FAM107B: variants seen among roughly 807,000 people sequenced by gnomAD.
The protein encoded by FAM107B is family with sequence similarity 107 member B, also known as protein FAM107B.
Under a neutral mutation model 31.5 loss-of-function variants are expected in FAM107B, and 21 were observed. That is an observed-to-expected ratio of 0.67 (90% CI 0.47 to 0.96). FAM107B has a LOEUF of 0.96. Ranked by LOEUF, FAM107B falls within the 40% of genes least tolerant of loss-of-function variation. The probability of loss-of-function intolerance (pLI) is 0.00; values close to 1 mark genes in which losing one functional copy is unlikely to be tolerated. For missense variants in FAM107B, 452 were observed against 377.1 expected, an observed-to-expected ratio of 1.20 and a Z score of -1.64; for synonymous variants, 157 against 141.5, an observed-to-expected ratio of 1.11 and a Z score of -0.78.
At chr10:14,750,747 G>A (rs573000995) in intron 1 of FAM107B, among the ~76,000 whole-genome samples, 2 of 152,302 alleles carry the variant, frequency 1.3e-5, no homozygotes, top group African/African-American at 4.8e-5. Flanking sequence ...AGGAGTTTGA[G>A]ACCAGCTTGG....
rs1243766106 is a variant in FAM107B, at chr10:14,691,255, G to A, written c.412-23564C>T. ...GAAAATATGATCTCAGTAGCTATGGGTGAGGGAAGAATGAGAAACATGGGA... is the reference window on the plus strand; with the variant it reads ...GAAAATATGATCTCAGTAGCTATGGATGAGGGAAGAATGAGAAACATGGGA... On this transcript the variant is annotated intron_variant, in intron 1 of 4. Transcript: ENST00000181796. Among the ~76,000 whole-genome samples the A allele has an allele frequency of 2.0e-5, 3 of 152,286 alleles. No individual in the cohort carries two copies. The South Asian group carries it at 6.2e-4, about 32-fold the overall frequency.
At chr10:14,737,043 C>G (rs1334835334) in intron 1 of FAM107B, among the ~76,000 whole-genome samples, 1 of 151,872 alleles carries the variant, frequency 6.6e-6, no homozygotes, top group Non-Finnish European at 1.5e-5. Context: ...CAGAGACAGA[C>G]AAGGAAAAGG....
In FAM107B at chr10:14,519,479, C is replaced by G. The variant is rs1324410600; in HGVS notation, c.*1711G>C. ...CGATGGGAAAAAATAGTTACCATTCCATTCTTCGAAACCAAATTACTGTAG... is the reference window on the plus strand; with the variant it reads ...CGATGGGAAAAAATAGTTACCATTCGATTCTTCGAAACCAAATTACTGTAG... On this transcript the variant is annotated 3_prime_UTR_variant, in exon 5 of 5. Transcript: ENST00000181796. 1 of 152,218 alleles carries G rather than the reference C, an allele frequency of 6.6e-6. No individual in the cohort carries two copies. The highest frequency in any genetic ancestry group is 6.5e-5 in the Admixed American group (1 of 15,286). 9.4% of individuals were successfully genotyped at this position (152,218 alleles called of 1,614,324 possible).
At chr10:14,536,742 G>GT (rs1416275014) in intron 2 of FAM107B, among the ~76,000 whole-genome samples, 1 of 152,264 alleles carries the variant, frequency 6.6e-6, no homozygotes, top group South Asian at 2.1e-4. Context: ...AGTCATCAGC[G>GT]TAAGTGCAGA....
intron 2 of FAM107B, among the ~76,000 whole-genome samples, chr10:14,594,829 G>A (rs1479641777): frequency 2.6e-5 from 4 of 152,190 alleles, no homozygotes; most frequent in African/African-American, 7.2e-5. Context: ...ACAAATGCTC[G>A]GGAAATGCTG....
At chr10:14,700,873 A>G (rs1855383715) in intron 1 of FAM107B, among the ~76,000 whole-genome samples, 1 of 145,426 alleles carries the variant, frequency 6.9e-6, no homozygotes, top group Non-Finnish European at 1.5e-5. Context: ...TGAGTGCAAA[A>G]GTAGAGCTAT....
chr10:14,577,973 T>C (rs949497019), intron 2 of FAM107B, among the ~76,000 whole-genome samples: 1 of 152,078 alleles, frequency 6.6e-6, no homozygotes, highest in African/African-American at 2.4e-5. Context: ...ATGGCTCCCT[T>C]CCCCCAGTTC....
chr10:14,550,806 T>C (rs149070903), intron 2 of FAM107B, among the ~76,000 whole-genome samples: 145 of 152,344 alleles, frequency 9.5e-4, no homozygotes, highest in African/African-American at 3.4e-3. Context: ...AAATAGGAGC[T>C]ACTGGTTACT....
chr10:14,640,012 T>C (rs1356957925), intron 2 of FAM107B, among the ~76,000 whole-genome samples: 1 of 152,238 alleles, frequency 6.6e-6, no homozygotes, highest in South Asian at 2.1e-4. Context: ...GCTGATCTTG[T>C]CCATAGCAAC....
intron 2 of FAM107B, chr10:14,572,165 C>T (rs957272396): frequency 5.4e-5 from 53 of 985,090 alleles, no homozygotes; most frequent in Non-Finnish European, 6.0e-5. Flanking sequence ...TGACCTCATC[C>T]GGCACAGAAG....
intron 1 of FAM107B, among the ~76,000 whole-genome samples, chr10:14,766,304 C>A (rs1833160212): frequency 6.6e-6 from 1 of 152,112 alleles, no homozygotes; most frequent in African/African-American, 2.4e-5. Flanking sequence ...GGGCATGGAG[C>A]CTAGACAAGG....
chr10:14,604,615 G>C (rs1367785632), intron 2 of FAM107B, among the ~76,000 whole-genome samples: 2 of 151,676 alleles, frequency 1.3e-5, no homozygotes, highest in African/African-American at 4.8e-5. Context: ...GACTCGGTGG[G>C]AGCGAGGGCT....
chr10:14,718,841 A>G (rs981978009), intron 1 of FAM107B, among the ~76,000 whole-genome samples: 1 of 152,220 alleles, frequency 6.6e-6, no homozygotes, highest in Non-Finnish European at 1.5e-5. Flanking sequence ...CAACAATATT[A>G]GGAATGCTAA....
intron 1 of FAM107B, among the ~76,000 whole-genome samples, chr10:14,695,444 C>T (rs1160028204): frequency 1.3e-5 from 2 of 152,144 alleles, no homozygotes; most frequent in Non-Finnish European, 2.9e-5. Context: ...GCCTCCAGTT[C>T]TTTCTGAAGA....
At chr10:14,585,679 A>T (rs2131322196) in intron 2 of FAM107B, among the ~76,000 whole-genome samples, 1 of 152,340 alleles carries the variant, frequency 6.6e-6, no homozygotes, top group African/African-American at 2.4e-5. Context: ...TTGGAATTCA[A>T]ATAACAAGTA....
At chr10:14,674,421 G>C (rs569435706) in intron 1 of FAM107B, among the ~76,000 whole-genome samples, 2 of 152,190 alleles carry the variant, frequency 1.3e-5, no homozygotes, top group African/African-American at 4.8e-5. Context: ...TTGCTCCCTG[G>C]GGATGGAGTC....
chr10:14,740,574 A>C (rs920384360), intron 1 of FAM107B, among the ~76,000 whole-genome samples: 2 of 152,218 alleles, frequency 1.3e-5, no homozygotes, highest in African/African-American at 4.8e-5. Context: ...TACAACACAA[A>C]GAGCTAACCC....
chr10:14,657,012 C>G (rs1027746955), intron 2 of FAM107B, among the ~76,000 whole-genome samples: 1 of 152,248 alleles, frequency 6.6e-6, no homozygotes, highest in African/African-American at 2.4e-5. Context: ...CAAGGCTAAA[C>G]AGCTTGCTGC....
Position 14,607,112 on chromosome 10 carries a change from G to A in FAM107B, c.469+60522C>T, listed in dbSNP as rs143815470. 3.6e-3 allele frequency among the ~76,000 whole-genome samples: 549 copies of A among 152,246 alleles called. 3 individuals carry two copies. Among genetic ancestry groups the A allele is most frequent in the Non-Finnish European group, 6.0e-3 (405 of 68,020 alleles). On this transcript the variant is annotated intron_variant, in intron 2 of 4. Transcript: ENST00000181796. Reference sequence around the variant, plus strand: ...GTGTGTGAATGTGATAAGTGACCACGGTCTTTTCCCTGCCCCGTGAGAGAA... The same window carrying A: ...GTGTGTGAATGTGATAAGTGACCACAGTCTTTTCCCTGCCCCGTGAGAGAA...
Sources: allele counts gnomAD v4.1 joint callset (sites outside exome capture counted in the v4.1 genomes callset), GRCh38; gene constraint gnomAD v4.1.1; transcripts MANE v1.5; gene names NCBI Gene and HGNC (gene_info 2026-07-23, HGNC 2026-07-21).